The following DAAM2 variants were observed in gnomAD, a reference collection of about 807,000 sequenced individuals.
DAAM2 encodes the protein disheveled-associated activator of morphogenesis 2.
Under a neutral mutation model 120.7 loss-of-function variants are expected in DAAM2, and 39 were observed. That is an observed-to-expected ratio of 0.32 (90% CI 0.25 to 0.42). The LOEUF (loss-of-function observed/expected upper bound fraction) is 0.42, where lower values mean the gene tolerates loss of function less well. Among genes scored for constraint, DAAM2 ranks in the 10% least tolerant of loss-of-function variants. DAAM2 has a pLI of 1.00. For synonymous variants in DAAM2, 488 were observed against 524.9 expected, an observed-to-expected ratio of 0.93 and a Z score of 0.96; for missense variants, 1,283 against 1,401.7, an observed-to-expected ratio of 0.92 and a Z score of 1.35.
rs1765010611 is a variant in DAAM2, at chr6:39,879,281, C to T, written c.1649C>T (p.Ala550Val). 2 of 1,484,210 alleles carry T rather than the reference C, an allele frequency of 1.3e-6. No homozygotes were observed. Among genetic ancestry groups the T allele is most frequent in the Admixed American group, 2.0e-5 (1 of 51,198 alleles). 91.9% of individuals were successfully genotyped at this position (1,484,210 alleles called of 1,614,324 possible). The change falls in exon 14 of 25, where the codon GCC (alanine) becomes GTC (valine). Residue 550 changes from alanine (A) to valine (V), a missense_variant. This residue lies in a region of DAAM2 where 748 missense variants were observed against 768.6 expected (regional missense o/e 0.97). Transcript: ENST00000274867. The stretch of plus-strand genomic sequence containing the variant: ...CCACCCCCTCCTCCTCTGCCCTTTG[C>T]CTGTTGTCCCCCTCCCCCACCACCA... ...LPPPPPPLPF[A>V]CCPPPPPPPL...
chr6:39,845,544 A>G (rs891416439), intron 1 of DAAM2, among the ~76,000 whole-genome samples: 2 of 150,572 alleles, frequency 1.3e-5, no homozygotes, highest in Non-Finnish European at 3.0e-5. Flanking sequence ...ACATACATAA[A>G]CATACACCAT....
intron 1 of DAAM2, among the ~76,000 whole-genome samples, chr6:39,851,668 A>G (rs1464670709): frequency 6.6e-6 from 1 of 152,212 alleles, no homozygotes; most frequent in African/African-American, 2.4e-5. Flanking sequence ...CTCAAGTGGT[A>G]GGAAGTCCTT....
intron 3 of DAAM2, chr6:39,862,383 A>G (rs935354511): frequency 3.3e-5 from 5 of 152,238 alleles, no homozygotes; most frequent in Non-Finnish European, 7.3e-5. Context: ...CATGGAAAGA[A>G]GGAAGGAAGG....
chr6:39,889,978 A>G (rs565826380), intron 17 of DAAM2, among the ~76,000 whole-genome samples: 16 of 152,174 alleles, frequency 1.1e-4, no homozygotes, highest in Non-Finnish European at 1.9e-4. Context: ...AAATACAAAA[A>G]TTAGCCAGGT....
In DAAM2 at chr6:39,869,753, C is replaced by CTTT. The variant is rs531295826; in HGVS notation, c.874-562_874-560dup. On this transcript the variant is annotated intron_variant, in intron 7 of 24. Transcript: ENST00000274867. ...CTTTCCCCTCTTTTCCGCCAGCATA[C>CTTT]TTTTTTTTTTTTTTTTTTTTTTTTT... Among the ~76,000 whole-genome samples the CTTT allele has an allele frequency of 8.4e-3, 859 of 101,928 alleles. 12 individuals are homozygous for CTTT. Among genetic ancestry groups the CTTT allele is most frequent in the African/African-American group, 0.027 (768 of 28,400 alleles). The allele number at this position is 101,928 out of a possible 152,430, so 66.9% of individuals were successfully genotyped here. A position where few individuals can be genotyped will look rare whatever the true frequency, so the allele number is the denominator to read the frequency against.
intron 19 of DAAM2, among the ~76,000 whole-genome samples, chr6:39,892,252 T>C (rs917578877): frequency 5.3e-5 from 8 of 152,230 alleles, no homozygotes; most frequent in African/African-American, 1.7e-4. Flanking sequence ...ATGAGAACCA[T>C]GCGCCAAGCA....
chr6:39,821,710 T>C (rs1406086572), intron 1 of DAAM2: 1 of 152,218 alleles, frequency 6.6e-6, no homozygotes, highest in Non-Finnish European at 1.5e-5. Context: ...CATCTGAACA[T>C]AGCTGGAGCC....
At position 39,799,762 on chromosome 6, in the gene DAAM2, C is replaced by G. The variant is rs565451965; in HGVS notation, c.-57+7297C>G. On this transcript the variant is annotated intron_variant, in intron 1 of 24. Coordinates refer to ENST00000274867, the MANE Select transcript of DAAM2 (RefSeq NM_001201427.2). ...TGAAGGTAATTCTTTCTTGCTTAAGCAAGTGAATTAATATCATGCAAAGAT... is the reference window on the plus strand; with the variant it reads ...TGAAGGTAATTCTTTCTTGCTTAAGGAAGTGAATTAATATCATGCAAAGAT... Among the ~76,000 whole-genome samples, 3 of 152,126 alleles carry G rather than the reference C, an allele frequency of 2.0e-5. No homozygotes were observed. In the South Asian group the frequency reaches 6.2e-4, roughly 32 times the overall value.
intron 2 of DAAM2, 38 bp from the exon 3 acceptor site, chr6:39,860,890 C>G: frequency 6.6e-7 from 1 of 1,517,340 alleles, no homozygotes; most frequent in African/African-American, 1.4e-5. Context: ...CTCAACCATC[C>G]CTAGTGTCAG....
chr6:39,891,316 T>C (rs1287158485), intron 17 of DAAM2, 25 bp from the exon 18 acceptor site: 14 of 1,553,692 alleles, frequency 9.0e-6, no homozygotes, highest in Non-Finnish European at 1.2e-5. Flanking sequence ...CAGTTGCTTG[T>C]GTGACTTGCG....
At chr6:39,841,822 TCTGTAGC>T (rs544883877) in intron 1 of DAAM2, among the ~76,000 whole-genome samples, 2 of 152,234 alleles carry the variant, frequency 1.3e-5, no homozygotes, top group East Asian at 3.9e-4. Context: ...AATCTCAGCT[TCTGTAGC>T]CTGAAGTCCT....
chr6:39,834,874 C>G (rs1763046832), intron 1 of DAAM2, among the ~76,000 whole-genome samples: 2 of 152,094 alleles, frequency 1.3e-5, no homozygotes, highest in African/African-American at 4.8e-5. Context: ...AGGAGTCAAG[C>G]CAACGCACGG....
intron 1 of DAAM2, among the ~76,000 whole-genome samples, chr6:39,811,884 C>T (rs1762172712): frequency 6.6e-6 from 1 of 152,184 alleles, no homozygotes; most frequent in Admixed American, 6.5e-5. Flanking sequence ...CTAATGTTTA[C>T]TGAGAAGCCA....
intron 1 of DAAM2, among the ~76,000 whole-genome samples, chr6:39,844,041 T>C (rs544657709): frequency 1.5e-4 from 23 of 152,264 alleles, no homozygotes; most frequent in Non-Finnish European, 2.8e-4. Flanking sequence ...AGCCTTAATT[T>C]CCTTATATGT....
At chr6:39,861,150 A>G in intron 3 of DAAM2, 133 bp downstream of exon 3, 1 of 744,764 alleles carries the variant, frequency 1.3e-6, no homozygotes, top group South Asian at 1.5e-5. Flanking sequence ...GAGGAACAAC[A>G]GTGAATAAAA....
At chr6:39,819,336 C>T (rs796780735) in intron 1 of DAAM2, 2 of 152,154 alleles carry the variant, frequency 1.3e-5, no homozygotes, top group Non-Finnish European at 1.5e-5. Flanking sequence ...TCTGGGCAAA[C>T]CTAGTCTTCA....
chr6:39,811,845 T>C (rs1271526615), intron 1 of DAAM2, among the ~76,000 whole-genome samples: 1 of 152,032 alleles, frequency 6.6e-6, no homozygotes, highest in East Asian at 1.9e-4. Flanking sequence ...CTCATGGAGC[T>C]CCTTAGACAC....
chr6:39,821,212 C>CCTTG (rs1256293156), intron 1 of DAAM2: 1 of 152,272 alleles, frequency 6.6e-6, no homozygotes, highest in Non-Finnish European at 1.5e-5. Context: ...GCCCTGCCTC[C>CCTTG]CTTGCTAGAT....
intron 15 of DAAM2, chr6:39,886,117 TG>T: frequency 3.1e-6 from 1 of 319,888 alleles, no homozygotes; most frequent in Non-Finnish European, 5.7e-6. Context: ...CAGCAAAGCC[TG>T]GGGTGGGAGA....
Sources: allele counts gnomAD v4.1 joint callset (sites outside exome capture counted in the v4.1 genomes callset), GRCh38; gene constraint gnomAD v4.1.1; regional missense constraint gnomAD v4.1.1; transcripts MANE v1.5; gene names NCBI Gene and HGNC (gene_info 2026-07-23, HGNC 2026-07-21).